The following TENM2 variants were observed in gnomAD, a reference collection of about 807,000 sequenced individuals.
TENM2 encodes teneurin transmembrane protein 2, also known as teneurin-2.
TENM2 carries 52 observed loss-of-function variants against 245.2 expected under a neutral mutation model. The observed-to-expected ratio is 0.21, with a 90% CI of 0.17 to 0.27. The LOEUF is 0.27. Ranked by LOEUF, TENM2 falls within the 10% of genes least tolerant of loss-of-function variation. The pLI is 1.00. For synonymous variants in TENM2, 1,363 were observed against 1,438.9 expected (o/e 0.95, Z 1.19); for missense variants, 3,046 against 3,666.8 (o/e 0.83, Z 4.37).
At chr5:167,872,887 C>T (rs1219235187) in intron 2 of TENM2, among the ~76,000 whole-genome samples, 1 of 152,218 alleles carries the variant, frequency 6.6e-6, no homozygotes, top group Non-Finnish European at 1.5e-5. Flanking sequence ...AGAATAATTT[C>T]ACAGCAACTA....
chr5:167,467,881 C>T (rs895048074), intron 2 of TENM2, among the ~76,000 whole-genome samples: 24 of 152,038 alleles, frequency 1.6e-4, no homozygotes, highest in African/African-American at 5.6e-4. Context: ...GAGAAATGTT[C>T]GCTAGCACCT....
chr5:167,088,039 T>C, the TENM2 span, among the ~76,000 whole-genome samples: 766 of 152,176 alleles, frequency 5.0e-3, 7 homozygotes, highest in African/African-American at 0.017. Flanking sequence ...CCACCTGCCT[T>C]GGCCTCCCAA....
intron 2 of TENM2, among the ~76,000 whole-genome samples, chr5:167,694,048 C>T (rs546022682): frequency 3.9e-5 from 6 of 152,272 alleles, no homozygotes; most frequent in South Asian, 2.1e-4. Context: ...TAGAAAGGCA[C>T]CAGAAATCTC....
chr5:167,499,277 G>A (rs1457584060), intron 2 of TENM2, among the ~76,000 whole-genome samples: 5 of 152,230 alleles, frequency 3.3e-5, no homozygotes, highest in South Asian at 2.1e-4. Flanking sequence ...TGCAAGCAGC[G>A]TAGAAAACTC....
chr5:167,960,016 C>G (rs964387122), intron 4 of TENM2, among the ~76,000 whole-genome samples: 6 of 152,232 alleles, frequency 3.9e-5, no homozygotes, highest in African/African-American at 1.4e-4. Context: ...CTGGGTATCA[C>G]CAGCGGAGGC....
intron 2 of TENM2, among the ~76,000 whole-genome samples, chr5:167,857,874 A>C (rs1362125509): frequency 6.6e-6 from 1 of 152,218 alleles, no homozygotes. Flanking sequence ...AGTGTTATCT[A>C]ATAAATAGAG....
At chr5:167,710,050 T>C (rs185869261) in intron 2 of TENM2, among the ~76,000 whole-genome samples, 2 of 152,244 alleles carry the variant, frequency 1.3e-5, no homozygotes, top group East Asian at 3.9e-4. Context: ...CTGGTGATGG[T>C]AGTAGAGAAA....
intron 2 of TENM2, among the ~76,000 whole-genome samples, chr5:167,522,391 G>A (rs941406030): frequency 2.0e-5 from 3 of 152,066 alleles, no homozygotes; most frequent in African/African-American, 7.2e-5. Flanking sequence ...TGAAAAAGAG[G>A]TTGGATGAGA....
intron 2 of TENM2, among the ~76,000 whole-genome samples, chr5:167,398,151 C>A (rs981939136): frequency 6.6e-5 from 10 of 152,068 alleles, no homozygotes; most frequent in Non-Finnish European, 1.5e-4. Flanking sequence ...GTGTCAATAT[C>A]ATAATTTTTG....
In TENM2 at chr5:167,872,643, A is replaced by G. The variant is rs189117930; in HGVS notation, c.503-3343A>G. Among the ~76,000 whole-genome samples, 134 of 152,360 alleles carry G rather than the reference A, an allele frequency of 8.8e-4. 1 individual carries two copies. The highest frequency in any genetic ancestry group is 4.1e-3 in the Admixed American group (62 of 15,302). On this transcript the variant is annotated intron_variant, in intron 2 of 28. Transcript: ENST00000518659. ...AGAAATTTCCGAAGTAATGGTAGGTACCAGTAAGCAGAGTTGAAGGAGCTC... is the reference window on the plus strand; with the variant it reads ...AGAAATTTCCGAAGTAATGGTAGGTGCCAGTAAGCAGAGTTGAAGGAGCTC...
At chr5:168,261,314 C>G (rs1008712941) in intron 28 of TENM2, among the ~76,000 whole-genome samples, 2 of 152,132 alleles carry the variant, frequency 1.3e-5, no homozygotes, top group Non-Finnish European at 2.9e-5. Flanking sequence ...GGCGAGGATC[C>G]AAAACAACTG....
At chr5:167,358,066 C>A (rs567983676) in intron 1 of TENM2, among the ~76,000 whole-genome samples, 1 of 152,310 alleles carries the variant, frequency 6.6e-6, no homozygotes, top group Admixed American at 6.5e-5. Context: ...CTAAATGAAC[C>A]ATTCTTTGAT....
At chr5:168,101,522 C>T (rs1793812821) in intron 9 of TENM2, among the ~76,000 whole-genome samples, 1 of 152,214 alleles carries the variant, frequency 6.6e-6, no homozygotes, top group Non-Finnish European at 1.5e-5. Context: ...TAAAAGGACT[C>T]TCGGTGTGTG....
chr5:167,118,077 T>C, the TENM2 span, among the ~76,000 whole-genome samples: 1 of 152,254 alleles, frequency 6.6e-6, no homozygotes. Context: ...TTTATATGAC[T>C]AAGTGAGCCT....
the TENM2 span, among the ~76,000 whole-genome samples, chr5:167,024,932 T>A: frequency 6.6e-6 from 1 of 152,346 alleles, no homozygotes; most frequent in East Asian, 1.9e-4. Context: ...ATGGTACCTC[T>A]GTTTCTCACT....
chr5:167,338,248 G>T (rs536978479), intron 1 of TENM2, among the ~76,000 whole-genome samples: 1 of 152,224 alleles, frequency 6.6e-6, no homozygotes, highest in African/African-American at 2.4e-5. Context: ...AAGGGTTTTT[G>T]TTTGTTTGCT....
At chr5:167,697,138 A>G (rs1403724628) in intron 2 of TENM2, among the ~76,000 whole-genome samples, 1 of 152,134 alleles carries the variant, frequency 6.6e-6, no homozygotes, top group Non-Finnish European at 1.5e-5. Context: ...GTGACAACCA[A>G]AAATGCCTCT....
At chr5:167,999,099 G>T (rs1283748614) in intron 5 of TENM2, among the ~76,000 whole-genome samples, 1 of 152,168 alleles carries the variant, frequency 6.6e-6, no homozygotes, top group Non-Finnish European at 1.5e-5. Context: ...CATCTTTTGT[G>T]GGGGCGCAGA....
chr5:168,093,075 A>G (rs1445067013), intron 8 of TENM2, among the ~76,000 whole-genome samples: 4 of 152,228 alleles, frequency 2.6e-5, no homozygotes, highest in Admixed American at 6.5e-5. Context: ...ATCAGGATTC[A>G]TACTTTCCAG....
Sources: allele counts gnomAD v4.1 joint callset (sites outside exome capture counted in the v4.1 genomes callset), GRCh38; gene constraint gnomAD v4.1.1; transcripts MANE v1.5; gene names NCBI Gene and HGNC (gene_info 2026-07-23, HGNC 2026-07-21).